The following ARMC2 variants were observed in gnomAD, a reference collection of about 807,000 sequenced individuals.
ARMC2 encodes armadillo repeat-containing protein 2.
A neutral mutation model predicts 90.3 loss-of-function variants in ARMC2; 67 were observed. The observed-to-expected ratio is 0.74, with a 90% CI of 0.61 to 0.91. ARMC2 has a LOEUF of 0.91. Ranked by LOEUF, ARMC2 falls within the 40% of genes least tolerant of loss-of-function variation. The probability of loss-of-function intolerance (pLI) is 0.00; values close to 1 mark genes in which losing one functional copy is unlikely to be tolerated. For missense variants in ARMC2, 920 were observed against 1,030.9 expected, an observed-to-expected ratio of 0.89 and a Z score of 1.47; for synonymous variants, 393 against 393.0, an observed-to-expected ratio of 1.00 and a Z score of 0.00.
rs767583802 is a variant in ARMC2, at chr6:108,894,447, G to A, written c.672-20G>A. 1.3e-6 allele frequency: 2 copies of A among 1,599,234 alleles called. No individual in the cohort carries two copies. The highest frequency in any genetic ancestry group is 1.7e-6 in the Non-Finnish European group (2 of 1,173,996). ...AAGTGTTTTCATGTTTGCGCTGAGT[G>A]TTTTATGTATTCCTCCTAGGGACCA... On this transcript the variant is annotated intron_variant, in intron 5 of 17. Coordinates refer to ENST00000392644, the MANE Select transcript of ARMC2 (RefSeq NM_032131.6).
In ARMC2 at chr6:108,908,011, C is replaced by G. The variant is rs1772965459; in HGVS notation, c.1024-2888C>G. The G allele has an allele frequency of 3.7e-6, 3 of 801,652 alleles. No homozygotes were observed. The East Asian group carries it at 8.1e-5, about 22-fold the overall frequency. 49.7% of individuals were successfully genotyped at this position (801,652 alleles called of 1,614,324 possible). On this transcript the variant is annotated intron_variant, in intron 8 of 17. Coordinates refer to ENST00000392644, the MANE Select transcript of ARMC2 (RefSeq NM_032131.6). ...CCATTTCCTATTTTCCTCCTGGGAA[C>G]AGAAGGAATCTCCATTCTGCCATGT...
the ARMC2 span, chr6:109,001,276 A>G: frequency 1.9e-6 from 3 of 1,609,080 alleles, no homozygotes; most frequent in Non-Finnish European, 2.5e-6. Context: ...TTTTCACTGA[A>G]TGTTTACAAA....
At chr6:108,932,583 C>T (rs1775654625) in intron 11 of ARMC2, among the ~76,000 whole-genome samples, 1 of 120,842 alleles carries the variant, frequency 8.3e-6, no homozygotes, top group African/African-American at 3.3e-5. Flanking sequence ...GGCTGGAGGG[C>T]AGTGGCGCGG....
chr6:109,020,175 G>A, the ARMC2 span, among the ~76,000 whole-genome samples: 1 of 152,254 alleles, frequency 6.6e-6, no homozygotes, highest in African/African-American at 2.4e-5. Flanking sequence ...TGAGGCCTAA[G>A]CTTCTTCTTT....
At chr6:108,868,065 TTG>T (rs1473446405) in intron 3 of ARMC2, among the ~76,000 whole-genome samples, 1 of 152,198 alleles carries the variant, frequency 6.6e-6, no homozygotes, top group African/African-American at 2.4e-5. Flanking sequence ...AAAAATACAT[TTG>T]TGGCATCCAA....
chr6:108,964,375 GCTTTGGCC>G, intron 16 of ARMC2, 63 bp downstream of exon 16: 1 of 1,561,520 alleles, frequency 6.4e-7, no homozygotes, highest in Non-Finnish European at 8.7e-7. Context: ...TTTCTTGGGA[GCTTTGGCC>G]CTTTCATCAT....
At chr6:109,052,907 G>A in the ARMC2 span, among the ~76,000 whole-genome samples, 7 of 152,120 alleles carry the variant, frequency 4.6e-5, no homozygotes, top group Non-Finnish European at 1.0e-4. Flanking sequence ...CTGCTACCCC[G>A]TAGAGCTTAT....
chr6:108,926,907 A>G (rs1775147162), intron 10 of ARMC2, among the ~76,000 whole-genome samples: 1 of 143,676 alleles, frequency 7.0e-6, no homozygotes, highest in Admixed American at 7.6e-5. Flanking sequence ...AGACATGTAC[A>G]CATTTATTTG....
At chr6:108,868,209 C>A (rs1181886318) in intron 3 of ARMC2, among the ~76,000 whole-genome samples, 1 of 79,210 alleles carries the variant, frequency 1.3e-5, no homozygotes, top group East Asian at 3.4e-4. Context: ...ATTTTGTAGT[C>A]TTTTTTTATT....
intron 13 of ARMC2, among the ~76,000 whole-genome samples, 162 bp downstream of exon 13, chr6:108,953,513 G>A (rs981118382): frequency 2.0e-5 from 3 of 152,158 alleles, no homozygotes; most frequent in African/African-American, 7.2e-5. Flanking sequence ...GTTCAGAACT[G>A]TCTTAAAAGT....
At chr6:108,855,601 T>C (rs1774495295) in intron 2 of ARMC2, among the ~76,000 whole-genome samples, 1 of 152,336 alleles carries the variant, frequency 6.6e-6, no homozygotes, top group South Asian at 2.1e-4. Context: ...TGCTGGATCA[T>C]ATGGGAAGAT....
At chr6:108,970,494 CTTTTTTTTT>C (rs1156823883) in intron 17 of ARMC2, among the ~76,000 whole-genome samples, 2 of 117,342 alleles carry the variant, frequency 1.7e-5, no homozygotes, top group Non-Finnish European at 3.6e-5. Flanking sequence ...CTTCTCTTTT[CTTTTTTTTT>C]TTTTTTTTTT....
chr6:108,855,655 G>A lies in ARMC2; in HGVS notation c.218+1170G>A, dbSNP rs533212668. Among the ~76,000 whole-genome samples, 4 of 152,250 alleles carry A rather than the reference G, an allele frequency of 2.6e-5. No individual in the cohort carries two copies. The East Asian group carries it at 7.7e-4, about 29-fold the overall frequency. On this transcript the variant is annotated intron_variant, in intron 2 of 17. Transcript: ENST00000392644. Reference sequence around the variant, plus strand: ...AAACTGCCAAACTGTCTTCCAAAGGGGCTATATCATTTTGCCTTCCCACCA... The same window carrying A: ...AAACTGCCAAACTGTCTTCCAAAGGAGCTATATCATTTTGCCTTCCCACCA...
chr6:108,991,584 C>G, the ARMC2 span, among the ~76,000 whole-genome samples: 1 of 152,140 alleles, frequency 6.6e-6, no homozygotes, highest in Non-Finnish European at 1.5e-5. Flanking sequence ...TCACCCATTC[C>G]TTCTCCTACC....
chr6:108,858,074 G>A (rs9374052), intron 2 of ARMC2, 125 bp from the exon 3 acceptor site: 23,342 of 587,034 alleles, frequency 0.04, 1,266 homozygotes, highest in East Asian at 0.21. Flanking sequence ...ATGAAAAAAT[G>A]TTTTTCCTCA....
the ARMC2 span, among the ~76,000 whole-genome samples, chr6:109,041,550 T>C: frequency 2.0e-5 from 3 of 152,110 alleles, no homozygotes; most frequent in African/African-American, 7.2e-5. Flanking sequence ...GGAATTTTTA[T>C]ATTAATACCA....
intron 1 of ARMC2, among the ~76,000 whole-genome samples, chr6:108,850,505 C>T (rs1472272781): frequency 3.3e-5 from 5 of 152,104 alleles, no homozygotes; most frequent in Non-Finnish European, 5.9e-5. Context: ...TCAGGCTTTC[C>T]GTACTTCACT....
chr6:108,865,761 G>A (rs963859622), intron 3 of ARMC2, among the ~76,000 whole-genome samples: 15 of 152,136 alleles, frequency 9.9e-5, no homozygotes, highest in African/African-American at 3.4e-4. Flanking sequence ...GCTCATGCCT[G>A]TAATTCCAGC....
intron 13 of ARMC2, 137 bp downstream of exon 13, chr6:108,953,488 G>T: frequency 2.4e-6 from 2 of 845,054 alleles, no homozygotes. Context: ...CTGTATGAAG[G>T]AAATTCCCTC....
Sources: allele counts gnomAD v4.1 joint callset (sites outside exome capture counted in the v4.1 genomes callset), GRCh38; gene constraint gnomAD v4.1.1; transcripts MANE v1.5; gene names NCBI Gene and HGNC (gene_info 2026-07-23, HGNC 2026-07-21).